The following SDK2 variants were observed in gnomAD, a reference collection of about 807,000 sequenced individuals.
SDK2 encodes the protein protein sidekick-2.
SDK2 carries 105 observed loss-of-function variants against 253.9 expected under a neutral mutation model. The ratio of observed to expected loss-of-function variants is 0.41; its 90% CI spans 0.35 to 0.49. The LOEUF (loss-of-function observed/expected upper bound fraction) is 0.49. Ranked by LOEUF, SDK2 falls within the 20% of genes least tolerant of loss-of-function variation. The pLI is 0.06. For missense variants in SDK2, 2,608 were observed against 3,003.0 expected, an observed-to-expected ratio of 0.87 and a Z score of 3.07; for synonymous variants, 1,249 against 1,234.9, an observed-to-expected ratio of 1.01 and a Z score of -0.24.
chr17:73,377,222 C>CTT (rs1193747847), intron 36 of SDK2, among the ~76,000 whole-genome samples: 7 of 133,990 alleles, frequency 5.2e-5, no homozygotes, highest in East Asian at 2.1e-4. Context: ...TTTTTTTTTT[C>CTT]TTTTTTTTTT....
chr17:73,516,544 T>A (rs1025942931), intron 1 of SDK2: 4 of 152,358 alleles, frequency 2.6e-5, no homozygotes, highest in Non-Finnish European at 5.9e-5. Context: ...TTGGATTCCC[T>A]CCTCCTCCCT....
At chr17:73,559,184 G>A (rs1476158022) in intron 1 of SDK2, among the ~76,000 whole-genome samples, 1 of 152,162 alleles carries the variant, frequency 6.6e-6, no homozygotes, top group African/African-American at 2.4e-5. Flanking sequence ...ATTTGTTCCA[G>A]TCAATGGGGC....
intron 1 of SDK2, chr17:73,521,387 A>T (rs2064078178): frequency 6.6e-6 from 1 of 152,162 alleles, no homozygotes; most frequent in African/African-American, 2.4e-5. Flanking sequence ...AAATAAAAAA[A>T]AATAAAAAAC....
chr17:73,454,855 C>A (rs1168087334), intron 4 of SDK2, among the ~76,000 whole-genome samples: 2 of 152,104 alleles, frequency 1.3e-5, no homozygotes, highest in Non-Finnish European at 2.9e-5. Flanking sequence ...AGGCACCTGC[C>A]ACCATGCCCA....
chr17:73,627,363 T>C (rs2046215346), intron 1 of SDK2, among the ~76,000 whole-genome samples: 1 of 152,204 alleles, frequency 6.6e-6, no homozygotes, highest in South Asian at 2.1e-4. Flanking sequence ...TGTCTTAGGT[T>C]CAGTCAAATA....
chr17:73,607,148 A>G (rs1321815364), intron 1 of SDK2, among the ~76,000 whole-genome samples: 1 of 152,206 alleles, frequency 6.6e-6, no homozygotes, highest in Admixed American at 6.5e-5. Context: ...TCAAGTGCCA[A>G]ATAAGTGGTG....
rs775493706 is a variant in SDK2, at chr17:73,534,207, ACATCC to A, written c.65-26615_65-26611del. On this transcript the variant is annotated intron_variant, in intron 1 of 44. Transcript: ENST00000392650. This position sits in a 1 kb window ranked among gnomAD's most constrained non-coding sequence, Gnocchi z 4.9. ...CAATGGCTGGTAGGAGAGACTCAGT[ACATCC>A]TTGCTGAAGGAATGAATGCATGTGT... 1.3e-5 allele frequency among the ~76,000 whole-genome samples: 2 copies of A among 152,192 alleles called. No individual in the cohort carries two copies. The highest frequency in any genetic ancestry group is 2.9e-5 in the Non-Finnish European group (2 of 68,038).
rs965859530 is a variant in SDK2 at position 73,618,458 on chromosome 17, C to G, written c.64+25567G>C. On this transcript the variant is annotated intron_variant, in intron 1 of 44. Transcript: ENST00000392650. The surrounding 1 kb of genome is among the most constrained non-coding windows in gnomAD (Gnocchi z 4.1). ...GCCACAAGGATTCAAGGAAGCATCA[C>G]TCCTTTGCCCTTTTAGAATCATGAC... Among the ~76,000 whole-genome samples the G allele has an allele frequency of 6.6e-6, 1 of 152,246 alleles. No homozygotes were observed. The highest frequency in any genetic ancestry group is 1.5e-5 in the Non-Finnish European group (1 of 68,048).
chr17:73,364,062 G>A (rs2062663709), intron 38 of SDK2, among the ~76,000 whole-genome samples: 1 of 151,962 alleles, frequency 6.6e-6, no homozygotes, highest in African/African-American at 2.4e-5. Context: ...CGTGATTGGA[G>A]GGGGTGAGAG....
chr17:73,363,023 G>A (rs1436059577), intron 38 of SDK2, among the ~76,000 whole-genome samples: 2 of 152,236 alleles, frequency 1.3e-5, no homozygotes, highest in African/African-American at 2.4e-5. Flanking sequence ...GGGATGCTAT[G>A]AGCTTTAAGT....
intron 4 of SDK2, among the ~76,000 whole-genome samples, chr17:73,453,988 G>C (rs979082680): frequency 6.6e-6 from 1 of 152,058 alleles, no homozygotes; most frequent in Non-Finnish European, 1.5e-5. Context: ...CCATATTTTT[G>C]TGGTACCTTT....
chr17:73,476,858 C>G (rs1251285165), intron 2 of SDK2, among the ~76,000 whole-genome samples: 1 of 152,190 alleles, frequency 6.6e-6, no homozygotes, highest in African/African-American at 2.4e-5. Flanking sequence ...CTCCCCCAGG[C>G]CGCCCTCTGT....
Position 73,644,009 on chromosome 17 carries a change from G to A in SDK2, c.64+16C>T. 1 of 1,538,420 alleles carries A rather than the reference G, an allele frequency of 6.5e-7. No homozygotes were observed. The highest frequency in any genetic ancestry group is 1.2e-5 in the South Asian group (1 of 83,392). On this transcript the variant is annotated intron_variant, in intron 1 of 44. Coordinates refer to ENST00000392650, the MANE Select transcript of SDK2 (RefSeq NM_001144952.2). This position sits in a 1 kb window ranked among gnomAD's most constrained non-coding sequence, Gnocchi z 6.3. ...CCCAGCCCCCTCCCTGTCCCCACGT[G>A]GGGGTCCCTCCTTACCTTGGGCTCT...
At chr17:73,430,404 G>A (rs374113891) in intron 12 of SDK2, 107 bp downstream of exon 12, 15 of 802,234 alleles carry the variant, frequency 1.9e-5, no homozygotes, top group South Asian at 9.3e-5. Context: ...AGGAGAAGGC[G>A]TGGCTCTGCA....
chr17:73,399,384 G>A (rs1252159518), intron 21 of SDK2, 95 bp from the exon 22 acceptor site: 15 of 1,314,262 alleles, frequency 1.1e-5, no homozygotes, highest in East Asian at 9.5e-5. Flanking sequence ...TGTGTGTCAC[G>A]CTTTTCCTGG....
At chr17:73,626,308 A>AG (rs533985148) in intron 1 of SDK2, among the ~76,000 whole-genome samples, 5 of 152,302 alleles carry the variant, frequency 3.3e-5, no homozygotes, top group Non-Finnish European at 7.3e-5. Flanking sequence ...GGGGGAGGAC[A>AG]GGGGCCAGTT....
chr17:73,371,946 C>T lies in SDK2; in HGVS notation c.4981-3353G>A, dbSNP rs182806452. On this transcript the variant is annotated intron_variant, in intron 36 of 44. Transcript: ENST00000392650. Reference sequence around the variant, plus strand: ...CTGCACTCCAGCCTGGGCAACGGAGCGAGAGTCCGTTAAAAAAAAAAAAAA... The same window carrying T: ...CTGCACTCCAGCCTGGGCAACGGAGTGAGAGTCCGTTAAAAAAAAAAAAAA... 2.5e-4 allele frequency among the ~76,000 whole-genome samples: 25 copies of T among 98,426 alleles called. No homozygotes were observed. In the South Asian group the frequency reaches 6.1e-3, roughly 24 times the overall value. The allele number at this position is 98,426 out of a possible 152,430, so 64.6% of individuals were successfully genotyped here.
In SDK2 at chr17:73,336,913, G is replaced by C. The variant is rs1306516268; in HGVS notation, c.*1674C>G. ...TACAGGGCTGGCTGAGGGCACAGAG[G>C]GCCTTGGACAATGTATGGAGTTAGA... On this transcript the variant is annotated 3_prime_UTR_variant, in exon 45 of 45. Coordinates refer to ENST00000392650, the MANE Select transcript of SDK2 (RefSeq NM_001144952.2). 2 of 146,930 alleles carry C rather than the reference G, an allele frequency of 1.4e-5. No homozygotes were observed. The highest frequency in any genetic ancestry group is 3.9e-4 in the East Asian group (2 of 5,146). 9.1% of individuals were successfully genotyped at this position (146,930 alleles called of 1,614,324 possible).
intron 1 of SDK2, among the ~76,000 whole-genome samples, chr17:73,596,197 G>A (rs1287850177): frequency 1.3e-5 from 2 of 152,172 alleles, no homozygotes; most frequent in Non-Finnish European, 2.9e-5. Context: ...GCAATCTGGG[G>A]CGGCAGGGGT....
Sources: allele counts gnomAD v4.1 joint callset (sites outside exome capture counted in the v4.1 genomes callset), GRCh38; gene constraint gnomAD v4.1.1; non-coding constraint Gnocchi (gnomAD v3.1); transcripts MANE v1.5; gene names NCBI Gene and HGNC (gene_info 2026-07-23, HGNC 2026-07-21).